MDGA2: variants seen among roughly 807,000 people sequenced by gnomAD.
The protein encoded by MDGA2 is MAM domain containing glycosylphosphatidylinositol anchor 2.
MDGA2 carries 40 observed loss-of-function variants against 117.8 expected under a neutral mutation model. That is an observed-to-expected ratio of 0.34 (90% CI 0.26 to 0.44). The LOEUF is 0.44. Ranked by LOEUF, MDGA2 falls within the 20% of genes least tolerant of loss-of-function variation. The probability of loss-of-function intolerance (pLI) is 1.00; values close to 1 mark genes in which losing one functional copy is unlikely to be tolerated. For synonymous variants in MDGA2, 452 were observed against 439.0 expected (o/e 1.03, Z -0.37); for missense variants, 1,123 against 1,250.6 (o/e 0.90, Z 1.54).
intron 5 of MDGA2, among the ~76,000 whole-genome samples, chr14:47,116,156 C>G (rs1214607522): frequency 6.6e-6 from 1 of 151,932 alleles, no homozygotes; most frequent in African/African-American, 2.4e-5. Context: ...AAAACAATCA[C>G]ATTTACAATA....
At position 47,034,998 on chromosome 14, in the gene MDGA2, G is replaced by A; in HGVS notation, c.1819+13C>T. On this transcript the variant is annotated intron_variant, in intron 8 of 16. Transcript: ENST00000399232. ...GTCCCCATATGGAAATGCATAAAAGGGAATTTACTTACACTGAACGATGAG... is the reference window on the plus strand; with the variant it reads ...GTCCCCATATGGAAATGCATAAAAGAGAATTTACTTACACTGAACGATGAG... The A allele has an allele frequency of 6.3e-7, 1 of 1,599,378 alleles. No homozygotes were observed. The highest frequency in any genetic ancestry group is 8.5e-7 in the Non-Finnish European group (1 of 1,171,422).
At chr14:47,649,612 G>C (rs957319953) in intron 1 of MDGA2, among the ~76,000 whole-genome samples, 1 of 152,002 alleles carries the variant, frequency 6.6e-6, no homozygotes, top group African/African-American at 2.4e-5. Context: ...TTGAACCTGG[G>C]AGGCAGAGGT....
At chr14:47,010,325 T>C (rs1887854049) in intron 8 of MDGA2, among the ~76,000 whole-genome samples, 1 of 126,804 alleles carries the variant, frequency 7.9e-6, no homozygotes, top group Admixed American at 8.9e-5. Context: ...GGTAATCAGA[T>C]AAGGATTTAA....
At chr14:47,514,848 C>T (rs1163319760) in intron 1 of MDGA2, among the ~76,000 whole-genome samples, 1 of 152,020 alleles carries the variant, frequency 6.6e-6, no homozygotes, top group South Asian at 2.1e-4. Context: ...CATGACAATG[C>T]TAAGTTCTTT....
intron 1 of MDGA2, among the ~76,000 whole-genome samples, chr14:47,654,434 GCTGGCCAA>G (rs1314428170): frequency 6.6e-6 from 1 of 151,984 alleles, no homozygotes; most frequent in Non-Finnish European, 1.5e-5. Flanking sequence ...CACCTCCTCT[GCTGGCCAA>G]CTGGCTAATA....
At position 46,850,092 on chromosome 14, in the gene MDGA2, C is replaced by T. The variant is rs376631518; in HGVS notation, c.2884-4221G>A. Among the ~76,000 whole-genome samples the T allele has an allele frequency of 9.9e-5, 15 of 151,938 alleles. No homozygotes were observed. The South Asian group carries it at 2.5e-3, about 25-fold the overall frequency. ...TGTTCATGCAACTTCGCAACCTTAA[C>T]ATACAAAAAATATTGCCTAATCAGA... On this transcript the variant is annotated intron_variant, in intron 15 of 16. Transcript: ENST00000399232.
At chr14:47,244,876 C>G (rs1887186305) in intron 2 of MDGA2, among the ~76,000 whole-genome samples, 1 of 151,648 alleles carries the variant, frequency 6.6e-6, no homozygotes, top group Non-Finnish European at 1.5e-5. Flanking sequence ...CCTCTTCCAT[C>G]CCTAAGACAG....
At position 47,323,463 on chromosome 14, in the gene MDGA2, T is replaced by TA. The variant is rs1228920181; in HGVS notation, c.281-21914dup. Reference sequence around the variant, plus strand: ...CAATATGGAGAAATCCTGTCTCTACTAAAAAACAAATTTAAAAAATTAGCC... The same window carrying TA: ...CAATATGGAGAAATCCTGTCTCTACTAAAAAAACAAATTTAAAAAATTAGCC... On this transcript the variant is annotated intron_variant, in intron 1 of 16. Transcript: ENST00000399232. Among the ~76,000 whole-genome samples, 8 of 151,596 alleles carry TA rather than the reference T, an allele frequency of 5.3e-5. No homozygotes were observed. The East Asian group carries it at 5.8e-4, about 11-fold the overall frequency.
intron 2 of MDGA2, among the ~76,000 whole-genome samples, chr14:47,294,204 T>TCC (rs1888985900): frequency 6.9e-6 from 1 of 144,310 alleles, no homozygotes; most frequent in Non-Finnish European, 1.5e-5. Flanking sequence ...CAAGCAATCC[T>TCC]CCCACCTCAG....
intron 3 of MDGA2, among the ~76,000 whole-genome samples, chr14:47,160,309 G>A (rs912174105): frequency 3.9e-5 from 6 of 152,112 alleles, no homozygotes; most frequent in African/African-American, 1.4e-4. Flanking sequence ...GTCCCTTGCT[G>A]CTATTCTATT....
intron 1 of MDGA2, among the ~76,000 whole-genome samples, chr14:47,571,172 G>A (rs7144383): frequency 0.92 from 140,726 of 152,284 alleles, 65,166 homozygotes; most frequent in East Asian, 1. Flanking sequence ...ATCACTGGTC[G>A]TTACAGAAAT....
chr14:46,992,447 A>G (rs1473707960), intron 8 of MDGA2, among the ~76,000 whole-genome samples: 1 of 152,080 alleles, frequency 6.6e-6, no homozygotes. Context: ...TCTTCCCATA[A>G]GGGGACAATT....
At chr14:47,574,794 A>T (rs531588051) in intron 1 of MDGA2, among the ~76,000 whole-genome samples, 6 of 152,310 alleles carry the variant, frequency 3.9e-5, no homozygotes, top group Admixed American at 2.0e-4. Context: ...GGCAAAACTG[A>T]GGCACTAAAG....
intron 1 of MDGA2, among the ~76,000 whole-genome samples, chr14:47,355,554 T>C (rs960979461): frequency 2.0e-5 from 3 of 152,158 alleles, no homozygotes; most frequent in Admixed American, 1.3e-4. Flanking sequence ...CCTATAGATA[T>C]AGTGCAGGCT....
intron 8 of MDGA2, among the ~76,000 whole-genome samples, chr14:47,006,391 A>G (rs1304344667): frequency 6.9e-6 from 1 of 145,294 alleles, no homozygotes; most frequent in African/African-American, 2.5e-5. Context: ...TATAATTATA[A>G]TTATATAATT....
Position 47,288,435 on chromosome 14 carries a change from C to A in MDGA2, c.420+12976G>T, listed in dbSNP as rs557165446. 9.9e-5 allele frequency among the ~76,000 whole-genome samples: 15 copies of A among 152,142 alleles called. No individual in the cohort carries two copies. The East Asian group carries it at 2.3e-3, about 24-fold the overall frequency. On this transcript the variant is annotated intron_variant, in intron 2 of 16. Transcript: ENST00000399232. ...CGTCAATTTGATACCATATTGCAGA[C>A]CCAGATGCACAAAAGTTAATTTTTA...
chr14:47,349,420 T>C (rs1890830408), intron 1 of MDGA2, among the ~76,000 whole-genome samples: 1 of 152,232 alleles, frequency 6.6e-6, no homozygotes, highest in Non-Finnish European at 1.5e-5. Context: ...AAGTCAAATA[T>C]TTATAGTTAA....
At chr14:47,275,208 A>T (rs923077925) in intron 2 of MDGA2, among the ~76,000 whole-genome samples, 3 of 152,208 alleles carry the variant, frequency 2.0e-5, no homozygotes, top group African/African-American at 7.2e-5. Context: ...GACAGACGTT[A>T]GCGAACAAGC....
intron 5 of MDGA2, among the ~76,000 whole-genome samples, chr14:47,107,043 G>A (rs183643415): frequency 0.02 from 2,253 of 112,418 alleles, 319 homozygotes; most frequent in Non-Finnish European, 0.027. Flanking sequence ...AGCCTCCTTT[G>A]CGTCCACCTC....
Sources: gnomAD v4.1 joint callset for allele counts (sites outside exome capture counted in the v4.1 genomes callset) on GRCh38, gnomAD v4.1.1 for gene constraint, MANE v1.5 for transcripts, NCBI Gene and HGNC (gene_info 2026-07-23, HGNC 2026-07-21) for gene names.